The following PTPRD variants were observed in gnomAD, a reference collection of about 807,000 sequenced individuals.
PTPRD encodes the protein protein tyrosine phosphatase receptor type D.
In PTPRD, 34 loss-of-function variants were observed where a neutral mutation model predicts 214.5. The ratio of observed to expected loss-of-function variants is 0.16; its 90% confidence interval spans 0.12 to 0.21. The LOEUF (loss-of-function observed/expected upper bound fraction) is 0.21. PTPRD is among the 10% of genes least tolerant of loss of function. PTPRD has a pLI of 1.00. For synonymous variants in PTPRD, 1,128 were observed against 845.7 expected, an observed-to-expected ratio of 1.33 and a Z score of -5.79; for missense variants, 2,545 against 2,398.7, an observed-to-expected ratio of 1.06 and a Z score of -1.27.
Position 8,421,873 on chromosome 9 carries a change from C to T in PTPRD, c.4086+14719G>A, listed in dbSNP as rs189895127. Among the ~76,000 whole-genome samples the T allele has an allele frequency of 4.9e-3, 742 of 150,734 alleles. 7 individuals are homozygous for T. Among genetic ancestry groups the T allele is most frequent in the African/African-American group, 0.018 (720 of 41,116 alleles). On this transcript the variant is annotated intron_variant, in intron 35 of 45. Coordinates refer to ENST00000381196, the MANE Select transcript of PTPRD (RefSeq NM_002839.4). ...TTTTTAAATGGTGAATTTGCCCGGGCGTGATGGCTCACACCTGTAATCCCA... is the reference window on the plus strand; with the variant it reads ...TTTTTAAATGGTGAATTTGCCCGGGTGTGATGGCTCACACCTGTAATCCCA...
intron 31 of PTPRD, among the ~76,000 whole-genome samples, chr9:8,466,417 C>G (rs1035678184): frequency 1.3e-5 from 2 of 151,912 alleles, no homozygotes; most frequent in Non-Finnish European, 2.9e-5. Context: ...AGAAAACACA[C>G]ATGCACATGT....
intron 10 of PTPRD, among the ~76,000 whole-genome samples, chr9:9,065,483 T>G (rs1590902293): frequency 6.6e-6 from 1 of 151,772 alleles, no homozygotes; most frequent in African/African-American, 2.4e-5. Flanking sequence ...GAAGTGGGAG[T>G]AAGATACACG....
At position 10,600,805 on chromosome 9, in the gene PTPRD, G is replaced by C. The variant is rs532603283; in HGVS notation, c.-600+11593C>G. 2.0e-5 allele frequency among the ~76,000 whole-genome samples: 3 copies of C among 151,812 alleles called. No individual in the cohort carries two copies. In the East Asian group the frequency reaches 5.8e-4, roughly 30 times the overall value. ...TATATATGTTATTAACTAGAAAGAA[G>C]TCTCATACAGAGTACTATATATGAT... On this transcript the variant is annotated intron_variant, in intron 2 of 45. Transcript: ENST00000381196.
chr9:8,991,094 CT>C (rs1382212830), intron 11 of PTPRD, among the ~76,000 whole-genome samples: 1 of 151,758 alleles, frequency 6.6e-6, no homozygotes, highest in Non-Finnish European at 1.5e-5. Flanking sequence ...TGGTGCATGC[CT>C]GTAGTCCCAG....
At chr9:9,852,171 T>C (rs994772676) in intron 5 of PTPRD, among the ~76,000 whole-genome samples, 1 of 151,802 alleles carries the variant, frequency 6.6e-6, no homozygotes, top group Non-Finnish European at 1.5e-5. Flanking sequence ...AAAAAAAAAA[T>C]TTGTTTTTGA....
At chr9:9,911,814 T>C (rs1008694876) in intron 5 of PTPRD, among the ~76,000 whole-genome samples, 1 of 152,104 alleles carries the variant, frequency 6.6e-6, no homozygotes, top group South Asian at 2.1e-4. Flanking sequence ...TAATTCATTT[T>C]AAAAATTTTC....
At chr9:8,549,095 A>G (rs2081223667) in intron 14 of PTPRD, among the ~76,000 whole-genome samples, 1 of 152,192 alleles carries the variant, frequency 6.6e-6, no homozygotes, top group South Asian at 2.1e-4. Flanking sequence ...GAGAAAGCCC[A>G]GTTAGGTAGT....
intron 2 of PTPRD, among the ~76,000 whole-genome samples, chr9:10,385,052 C>A (rs551374874): frequency 1.0e-3 from 154 of 151,910 alleles, no homozygotes; most frequent in African/African-American, 3.5e-3. Flanking sequence ...CCATTCCTAA[C>A]CTTACGGGTT....
chr9:9,924,321 G>A (rs2083523071), intron 5 of PTPRD, among the ~76,000 whole-genome samples: 1 of 151,892 alleles, frequency 6.6e-6, no homozygotes, highest in Non-Finnish European at 1.5e-5. Context: ...CCAGATACAC[G>A]AGCTAAACAT....
At chr9:9,661,523 T>TATAGTTTAG (rs1282096183) in intron 7 of PTPRD, among the ~76,000 whole-genome samples, 24 of 151,894 alleles carry the variant, frequency 1.6e-4, no homozygotes, top group African/African-American at 4.8e-4. Context: ...AACTATGGTA[T>TATAGTTTAG]CATTAGACAA....
chr9:8,317,671 A>T lies in PTPRD; in HGVS notation c.*203T>A, dbSNP rs957587187. ...CTCATCAGTCAGGATTCTCTTCATTATTTTTCAGGTTAGATTATTAAACTG... is the reference window on the plus strand; with the variant it reads ...CTCATCAGTCAGGATTCTCTTCATTTTTTTTCAGGTTAGATTATTAAACTG... On this transcript the variant is annotated 3_prime_UTR_variant, in exon 46 of 46. Coordinates refer to ENST00000381196, the MANE Select transcript of PTPRD (RefSeq NM_002839.4). The T allele has an allele frequency of 1.2e-5, 5 of 433,142 alleles. No homozygotes were observed. Among genetic ancestry groups the T allele is most frequent in the African/African-American group, 9.8e-5 (5 of 51,104 alleles). The allele number at this position is 433,142 out of a possible 1,614,324, so 26.8% of individuals were successfully genotyped here.
intron 7 of PTPRD, among the ~76,000 whole-genome samples, chr9:9,611,561 A>T (rs1455947947): frequency 6.6e-6 from 1 of 152,116 alleles, no homozygotes; most frequent in Non-Finnish European, 1.5e-5. Context: ...TAATCTGTAT[A>T]TGACTATAAA....
chr9:9,794,153 G>GTACATGTATATATATATA (rs1350401942), intron 5 of PTPRD, among the ~76,000 whole-genome samples: 3 of 89,064 alleles, frequency 3.4e-5, no homozygotes, highest in Admixed American at 1.0e-4. Flanking sequence ...ATGTATATAT[G>GTACATGTATATATATATA]TACATGTATA....
intron 33 of PTPRD, among the ~76,000 whole-genome samples, chr9:8,457,666 T>C (rs1002682696): frequency 2.0e-5 from 3 of 152,172 alleles, no homozygotes; most frequent in Non-Finnish European, 4.4e-5. Context: ...CTATTGCTAA[T>C]GCTAGCATCT....
At chr9:8,531,365 C>G (rs1162588265) in intron 14 of PTPRD, among the ~76,000 whole-genome samples, 1 of 152,032 alleles carries the variant, frequency 6.6e-6, no homozygotes, top group East Asian at 1.9e-4. Context: ...CAACATAGTT[C>G]TGATGTTGCT....
intron 11 of PTPRD, among the ~76,000 whole-genome samples, chr9:8,757,428 A>G (rs2094084366): frequency 6.6e-6 from 1 of 152,034 alleles, no homozygotes; most frequent in Non-Finnish European, 1.5e-5. Context: ...TCAGAAACTA[A>G]TAAATCGGCT....
chr9:8,734,082 G>T, intron 11 of PTPRD, 136 bp from the exon 12 acceptor site: 1 of 555,106 alleles, frequency 1.8e-6, no homozygotes, highest in South Asian at 2.1e-5. Context: ...AATTGTAACT[G>T]TCATACTTTG....
chr9:9,931,172 G>A (rs1025394722), intron 5 of PTPRD, among the ~76,000 whole-genome samples: 1 of 152,034 alleles, frequency 6.6e-6, no homozygotes, highest in African/African-American at 2.4e-5. Context: ...AAAATTGATT[G>A]TAACAACAAG....
At chr9:10,333,474 A>G (rs1394221580) in intron 3 of PTPRD, among the ~76,000 whole-genome samples, 1 of 151,834 alleles carries the variant, frequency 6.6e-6, no homozygotes, top group African/African-American at 2.4e-5. Flanking sequence ...GTTTCTGAAA[A>G]CGACACAGAA....
Sources: allele counts gnomAD v4.1 joint callset (sites outside exome capture counted in the v4.1 genomes callset), GRCh38; gene constraint gnomAD v4.1.1; transcripts MANE v1.5; gene names NCBI Gene and HGNC (gene_info 2026-07-23, HGNC 2026-07-21).